The following DOCK3 variants were observed in gnomAD, a reference collection of about 807,000 sequenced individuals.
The protein encoded by DOCK3 is dedicator of cytokinesis 3.
In DOCK3, 60 loss-of-function variants were observed where a neutral mutation model predicts 265.6. That is an observed-to-expected ratio of 0.23 (90% CI 0.18 to 0.28). The LOEUF is 0.28. Among genes scored for constraint, DOCK3 ranks in the 10% least tolerant of loss-of-function variants. The pLI is 1.00. For synonymous variants in DOCK3, 881 were observed against 938.0 expected, an observed-to-expected ratio of 0.94 and a Z score of 1.11; for missense variants, 1,981 against 2,594.3, an observed-to-expected ratio of 0.76 and a Z score of 5.14.
Position 51,383,762 on chromosome 3 carries a change from T to C in DOCK3, c.*2203T>C, listed in dbSNP as rs577279927. On this transcript the variant is annotated 3_prime_UTR_variant, in exon 53 of 53. Transcript: ENST00000266037. ...AGAACCCTTTGAAAAGATTGTAAAATACTGATTTTCATTCTTTCAAGCTTA... is the reference window on the plus strand; with the variant it reads ...AGAACCCTTTGAAAAGATTGTAAAACACTGATTTTCATTCTTTCAAGCTTA... 1 of 152,738 alleles carries C rather than the reference T, an allele frequency of 6.5e-6. No homozygotes were observed. Among genetic ancestry groups the C allele is most frequent in the South Asian group, 2.1e-4 (1 of 4,830 alleles). The allele number at this position is 152,738 out of a possible 1,614,324, so 9.5% of individuals were successfully genotyped here. A position where few individuals can be genotyped will look rare whatever the true frequency, so the allele number is the denominator to read the frequency against.
intron 10 of DOCK3, among the ~76,000 whole-genome samples, chr3:51,157,630 C>A (rs1468925673): frequency 6.6e-6 from 1 of 152,228 alleles, no homozygotes; most frequent in African/African-American, 2.4e-5. Context: ...CTAAGGCAAA[C>A]AAAGCACAGG....
At chr3:50,793,609 C>T (rs2042612484) in intron 2 of DOCK3, among the ~76,000 whole-genome samples, 1 of 152,108 alleles carries the variant, frequency 6.6e-6, no homozygotes, top group South Asian at 2.1e-4. Context: ...CCACCTGCCT[C>T]AGCCTCCCAA....
chr3:51,180,905 T>C (rs1299055350), intron 12 of DOCK3, among the ~76,000 whole-genome samples: 3 of 152,174 alleles, frequency 2.0e-5, no homozygotes, highest in Non-Finnish European at 4.4e-5. Context: ...ACTGAGATGT[T>C]CATGCATAGG....
chr3:51,225,758 T>C lies in DOCK3; in HGVS notation c.1362T>C (p.Asp454=). The C allele has an allele frequency of 1.2e-6, 2 of 1,612,090 alleles. No homozygotes were observed. The highest frequency in any genetic ancestry group is 1.3e-5 in the African/African-American group (1 of 74,876). The change falls in exon 15 of 53, where the codon GAT becomes GAC. Residue 454 remains aspartate, a synonymous_variant. Coordinates refer to ENST00000266037, the MANE Select transcript of DOCK3 (RefSeq NM_004947.5). ...TGACCATGTATGTGCTTTATGCAGA[T>C]GGAGAAATCTTGAAGGTAAGGCTTG... ...IEVTMYVLYA[D]GEILKDCISL... is the part of the protein sequence containing the mutation.
At chr3:50,760,285 C>T (rs760779960) in intron 1 of DOCK3, among the ~76,000 whole-genome samples, 1 of 152,220 alleles carries the variant, frequency 6.6e-6, no homozygotes, top group Non-Finnish European at 1.5e-5. Flanking sequence ...GATCCTGGCA[C>T]TCTTGTCAAA....
intron 2 of DOCK3, among the ~76,000 whole-genome samples, chr3:50,807,279 A>T (rs2043483507): frequency 7.0e-6 from 1 of 142,200 alleles, no homozygotes; most frequent in African/African-American, 2.7e-5. Context: ...TTTTGGAGAC[A>T]GGATCTTGTT....
At chr3:50,849,222 A>G (rs770778032) in intron 3 of DOCK3, among the ~76,000 whole-genome samples, 1 of 150,728 alleles carries the variant, frequency 6.6e-6, no homozygotes, top group Non-Finnish European at 1.5e-5. Context: ...TTTTGTAGAG[A>G]CAGGGTCTTG....
At chr3:51,365,605 A>G (rs542943160) in intron 49 of DOCK3, among the ~76,000 whole-genome samples, 25 of 152,326 alleles carry the variant, frequency 1.6e-4, no homozygotes, top group African/African-American at 6.0e-4. Flanking sequence ...TCCATTCAGT[A>G]TGATATTGGC....
chr3:51,310,264 G>A lies in DOCK3; in HGVS notation c.2955G>A (p.Arg985=), dbSNP rs771967547. The A allele has an allele frequency of 5.5e-5, 89 of 1,605,648 alleles. No individual in the cohort carries two copies. The highest frequency in any genetic ancestry group is 7.2e-5 in the Non-Finnish European group (85 of 1,176,130). Residue 985 remains arginine (R), a synonymous_variant, in exon 28 of 53, where the codon CGG becomes CGA. Coordinates refer to ENST00000266037, the MANE Select transcript of DOCK3 (RefSeq NM_004947.5). The part of the protein sequence containing the change: ...EFLLKIFCVF[R]NLMKMSVFPR... ...TGCTGAAGATTTTTTGCGTGTTCCG[G>A]AACCTGATGAAGATGAGTGTCTTCC...
chr3:51,053,078 G>GATATATAT (rs59382660), intron 5 of DOCK3, among the ~76,000 whole-genome samples: 985 of 43,524 alleles, frequency 0.023, 95 homozygotes, highest in East Asian at 0.058. Context: ...AAAAGTCAAA[G>GATATATAT]ATATATATAT....
intron 38 of DOCK3, among the ~76,000 whole-genome samples, chr3:51,344,353 G>A (rs1164898214): frequency 6.6e-6 from 1 of 152,212 alleles, no homozygotes; most frequent in African/African-American, 2.4e-5. Flanking sequence ...AGGCAAGGTG[G>A]CTCACGCCTG....
chr3:51,274,006 TGA>T (rs1375333730), intron 24 of DOCK3, among the ~76,000 whole-genome samples: 9 of 152,144 alleles, frequency 5.9e-5, no homozygotes, highest in Admixed American at 1.3e-4. Context: ...ATAAAGCTCG[TGA>T]GAGGAGTCAA....
intron 2 of DOCK3, among the ~76,000 whole-genome samples, chr3:50,820,314 G>GT (rs1370000880): frequency 7.2e-5 from 11 of 152,210 alleles, no homozygotes; most frequent in Non-Finnish European, 1.5e-4. Flanking sequence ...CCTGTGACAA[G>GT]TAGGAGCGAT....
chr3:51,191,547 G>A (rs1195158006), intron 12 of DOCK3, among the ~76,000 whole-genome samples: 3 of 151,952 alleles, frequency 2.0e-5, no homozygotes, highest in Admixed American at 6.6e-5. Context: ...CCCAGTGGTG[G>A]TGTATATCCT....
In DOCK3 at chr3:51,371,738, C is replaced by G. The variant is rs188660427; in HGVS notation, c.5294-2731C>G. ...AGACCAGTGGTCTTCCTTGCCATAC[C>G]CATGGACACTGCTGTGATTCCTGTT... is the stretch of plus-strand genomic sequence containing the variant. On this transcript the variant is annotated intron_variant, in intron 49 of 52. Transcript: ENST00000266037. Among the ~76,000 whole-genome samples, 6 of 152,336 alleles carry G rather than the reference C, an allele frequency of 3.9e-5. No homozygotes were observed. In the East Asian group the frequency reaches 1.2e-3, roughly 29 times the overall value.
At chr3:51,064,704 T>C in intron 6 of DOCK3, 108 bp downstream of exon 6, 2 of 1,367,544 alleles carry the variant, frequency 1.5e-6, no homozygotes, top group Non-Finnish European at 2.0e-6. Flanking sequence ...AAAGGCAATG[T>C]TATATTCTTC....
chr3:51,152,814 A>G (rs1330801437), intron 10 of DOCK3, among the ~76,000 whole-genome samples: 3 of 152,150 alleles, frequency 2.0e-5, no homozygotes, highest in Non-Finnish European at 4.4e-5. Context: ...TTGCCTGAGT[A>G]TCACCAGCGG....
At chr3:50,875,556 G>T (rs1429839449) in intron 3 of DOCK3, among the ~76,000 whole-genome samples, 1 of 152,122 alleles carries the variant, frequency 6.6e-6, no homozygotes, top group Non-Finnish European at 1.5e-5. Flanking sequence ...CCATTGAAAT[G>T]ATGATATGGG....
At position 51,359,673 on chromosome 3, in the gene DOCK3, A is replaced by G. The variant is rs1022389378; in HGVS notation, c.4885-838A>G. Reference sequence around the variant, plus strand: ...AGCAAAAAGCACAAAACACTTTCCTATATACATCACGTTCTTCCGTGTGCA... The same window carrying G: ...AGCAAAAAGCACAAAACACTTTCCTGTATACATCACGTTCTTCCGTGTGCA... On this transcript the variant is annotated intron_variant, in intron 46 of 52. Transcript: ENST00000266037. The surrounding 1 kb of genome is among the most constrained non-coding windows in gnomAD (Gnocchi z 4.8). Among the ~76,000 whole-genome samples the G allele has an allele frequency of 2.0e-5, 3 of 152,198 alleles. No homozygotes were observed. The highest frequency in any genetic ancestry group is 4.4e-5 in the Non-Finnish European group (3 of 68,042).
Sources: gnomAD v4.1 joint callset for allele counts (sites outside exome capture counted in the v4.1 genomes callset) on GRCh38, gnomAD v4.1.1 for gene constraint, Gnocchi (gnomAD v3.1) non-coding constraint, MANE v1.5 for transcripts, NCBI Gene and HGNC (gene_info 2026-07-23, HGNC 2026-07-21) for gene names.